Variants in RICTOR observed in about 807,000 individuals in gnomAD.
RICTOR encodes rapamycin-insensitive companion of mTOR.
Under a neutral mutation model 214.9 loss-of-function variants are expected in RICTOR, and 49 were observed. The ratio of observed to expected loss-of-function variants is 0.23; its 90% CI spans 0.18 to 0.29. RICTOR has a LOEUF of 0.29. Among genes scored for constraint, RICTOR ranks in the 10% least tolerant of loss-of-function variants. RICTOR has a pLI of 1.00. For synonymous variants in RICTOR, 717 were observed against 711.3 expected (o/e 1.01, Z -0.13); for missense variants, 1,625 against 2,047.0 (o/e 0.79, Z 3.98).
rs1454741396 is a variant in RICTOR, at chr5:39,074,368, T to A, written c.10A>T (p.Ile4Phe). Residue 4 changes from isoleucine (I) to phenylalanine (F), a missense_variant, in exon 1 of 38, where the codon ATC (isoleucine) becomes TTC (phenylalanine). Physicochemically the swap from Ile to Phe is conservative, Grantham distance 21 (BLOSUM62 0). Around this residue, in one of 5 missense-constraint regions of RICTOR, gnomAD observed 71 missense variants for 57.9 expected, o/e 1.23. Coordinates refer to ENST00000357387, the MANE Select transcript of RICTOR (RefSeq NM_152756.5). The part of the protein sequence containing the change: MAA[I>F]GRGRSLKNLR... ...TTCTTCAGAGAGCGGCCGCGGCCGA[T>A]CGCCGCCATATTGACGGGTTTCAGT... The A allele has an allele frequency of 6.5e-7, 1 of 1,538,860 alleles. No homozygotes were observed. The highest frequency in any genetic ancestry group is 8.8e-7 in the Non-Finnish European group (1 of 1,142,194).
intron 2 of RICTOR, among the ~76,000 whole-genome samples, chr5:39,073,310 G>A (rs78010549): frequency 4.9e-4 from 75 of 152,232 alleles, no homozygotes; most frequent in Middle Eastern, 3.4e-3. Context: ...AATCTTCAAC[G>A]AGATAATGTC....
At chr5:38,959,038 C>A (rs140575678) in intron 22 of RICTOR, among the ~76,000 whole-genome samples, 157 bp downstream of exon 22, 3 of 152,122 alleles carry the variant, frequency 2.0e-5, no homozygotes, top group African/African-American at 7.2e-5. Flanking sequence ...ATACAAAAAT[C>A]TGAGTACTAT....
chr5:39,040,387 A>C (rs1031350806), intron 2 of RICTOR, among the ~76,000 whole-genome samples: 2 of 152,010 alleles, frequency 1.3e-5, no homozygotes, highest in African/African-American at 4.8e-5. Flanking sequence ...TTAATGGTGC[A>C]GCACACCAAG....
intron 6 of RICTOR, 71 bp downstream of exon 6, chr5:38,996,748 T>C (rs2099825198): frequency 1.1e-6 from 1 of 898,026 alleles, no homozygotes; most frequent in Admixed American, 2.2e-5. Context: ...TTCACAAAAG[T>C]CTAATCTAAA....
intron 6 of RICTOR, among the ~76,000 whole-genome samples, chr5:38,994,045 C>A (rs1048987029): frequency 3.9e-5 from 6 of 152,072 alleles, no homozygotes; most frequent in African/African-American, 1.4e-4. Context: ...AAAAAATTAG[C>A]AGGGCGTGGT....
intron 3 of RICTOR, among the ~76,000 whole-genome samples, chr5:39,010,809 G>A (rs1381142460): frequency 6.6e-6 from 1 of 152,134 alleles, no homozygotes; most frequent in Non-Finnish European, 1.5e-5. Context: ...AGGTGACTTG[G>A]GTGCTCTTTA....
chr5:39,060,589 G>A (rs1453502680), intron 2 of RICTOR, among the ~76,000 whole-genome samples: 3 of 151,830 alleles, frequency 2.0e-5, no homozygotes, highest in Non-Finnish European at 4.4e-5. Flanking sequence ...CCTAGCCAAG[G>A]AGAAAAAGTT....
intron 2 of RICTOR, among the ~76,000 whole-genome samples, chr5:39,037,781 C>A (rs1055801661): frequency 2.6e-5 from 4 of 152,148 alleles, no homozygotes; most frequent in Non-Finnish European, 4.4e-5. Context: ...GAAGTTGAAT[C>A]CCTGAATACA....
chr5:39,002,416 AC>A, intron 5 of RICTOR, 118 bp downstream of exon 5: 1 of 189,024 alleles, frequency 5.3e-6, no homozygotes, highest in South Asian at 6.3e-5. Context: ...ATATATATAT[AC>A]ACACACACAA....
At chr5:39,037,929 A>T (rs1000677143) in intron 2 of RICTOR, among the ~76,000 whole-genome samples, 1 of 152,220 alleles carries the variant, frequency 6.6e-6, no homozygotes, top group African/African-American at 2.4e-5. Context: ...AAACTATTCC[A>T]ATCAATAGAA....
intron 7 of RICTOR, among the ~76,000 whole-genome samples, chr5:38,982,805 C>CAT (rs10563872): frequency 1.1e-4 from 16 of 151,088 alleles, no homozygotes; most frequent in African/African-American, 3.9e-4. Context: ...TATACACATA[C>CAT]ATATATATAT....
intron 2 of RICTOR, among the ~76,000 whole-genome samples, chr5:39,044,909 A>G (rs1757390351): frequency 6.6e-6 from 1 of 152,178 alleles, no homozygotes; most frequent in East Asian, 1.9e-4. Context: ...AAGCCTAACC[A>G]TTCCCCTTAC....
intron 10 of RICTOR, among the ~76,000 whole-genome samples, chr5:38,974,575 CTG>C (rs1751051999): frequency 6.6e-6 from 1 of 151,804 alleles, no homozygotes; most frequent in Non-Finnish European, 1.5e-5. Flanking sequence ...AGGAAGATGA[CTG>C]TAACTACAGA....
intron 17 of RICTOR, 64 bp from the exon 18 acceptor site, chr5:38,962,650 T>C (rs1749891457): frequency 8.2e-6 from 8 of 970,466 alleles, no homozygotes; most frequent in South Asian, 6.7e-5. Context: ...GAAAACTAAG[T>C]TCAAATTTGA....
At chr5:39,001,581 A>G (rs1442578336) in intron 5 of RICTOR, among the ~76,000 whole-genome samples, 1 of 152,140 alleles carries the variant, frequency 6.6e-6, no homozygotes, top group Non-Finnish European at 1.5e-5. Flanking sequence ...AAGACCCATT[A>G]AAAGAATGAA....
chr5:39,036,421 T>C (rs1004544839), intron 2 of RICTOR, among the ~76,000 whole-genome samples: 4 of 152,102 alleles, frequency 2.6e-5, no homozygotes, highest in Admixed American at 2.6e-4. Context: ...ATGAGCAAAA[T>C]AACCAGCTAA....
chr5:39,052,814 G>C (rs1041261423), intron 2 of RICTOR, among the ~76,000 whole-genome samples: 1 of 152,124 alleles, frequency 6.6e-6, no homozygotes, highest in Non-Finnish European at 1.5e-5. Flanking sequence ...TCTCTTATCA[G>C]TTTCTTCTAG....
chr5:39,001,896 G>A (rs948512023), intron 5 of RICTOR, among the ~76,000 whole-genome samples: 1 of 152,052 alleles, frequency 6.6e-6, no homozygotes, highest in Admixed American at 6.5e-5. Flanking sequence ...ATACATAATA[G>A]TAGAAGTATA....
intron 2 of RICTOR, among the ~76,000 whole-genome samples, chr5:39,048,975 C>T (rs1442191517): frequency 6.6e-6 from 1 of 152,162 alleles, no homozygotes; most frequent in East Asian, 1.9e-4. Context: ...CTCTGGGTAA[C>T]ACTGTAAACA....
Sources: gnomAD v4.1 joint callset for allele counts (sites outside exome capture counted in the v4.1 genomes callset) on GRCh38, gnomAD v4.1.1 for gene constraint, gnomAD v4.1.1 regional missense constraint, MANE v1.5 for transcripts, NCBI Gene and HGNC (gene_info 2026-07-23, HGNC 2026-07-21) for gene names.